Variants in COX4I1 observed in about 807,000 individuals in gnomAD.
COX4I1 encodes cytochrome c oxidase subunit 4 isoform 1, mitochondrial.
Under a neutral mutation model 21.7 loss-of-function variants are expected in COX4I1, and 18 were observed. The ratio of observed to expected loss-of-function variants is 0.83; its 90% CI spans 0.57 to 1.23. The LOEUF is 1.23. Among genes scored for constraint, COX4I1 ranks in the 50% most tolerant of loss-of-function variants. The probability of loss-of-function intolerance (pLI) is 0.00; values close to 1 mark genes in which losing one functional copy is unlikely to be tolerated. For missense variants in COX4I1, 238 were observed against 220.7 expected (o/e 1.08, Z -0.50); for synonymous variants, 100 against 81.5 (o/e 1.23, Z -1.23).
At chr16:85,805,562 G>T in intron 3 of COX4I1, 171 bp from the exon 4 acceptor site, 2 of 889,064 alleles carry the variant, frequency 2.2e-6, no homozygotes, top group South Asian at 1.8e-5. Context: ...TGCCTGCGTG[G>T]GCACGTGTGT....
chr16:85,801,111 CAAAA>C, intron 1 of COX4I1, 90 bp from the exon 2 acceptor site: 2 of 1,056,794 alleles, frequency 1.9e-6, no homozygotes, highest in Non-Finnish European at 2.9e-6. Flanking sequence ...GAGAAGCAAA[CAAAA>C]AAATTCCAAA....
At chr16:85,806,038 G>A in intron 4 of COX4I1, 174 bp downstream of exon 4, 3 of 874,496 alleles carry the variant, frequency 3.4e-6, no homozygotes, top group Admixed American at 5.4e-5. Flanking sequence ...TGAAGTCGTG[G>A]GAGGTTAGTT....
intron 3 of COX4I1, chr16:85,805,525 AT>A: frequency 1.5e-6 from 1 of 662,574 alleles, no homozygotes; most frequent in Non-Finnish European, 2.5e-6. Context: ...AACTGTATGC[AT>A]TTTCTTCTTT....
In COX4I1 at chr16:85,804,987, C is replaced by T. The variant is rs772561167; in HGVS notation, c.124C>T (p.Arg42Cys). 22 of 1,614,116 alleles carry T rather than the reference C, an allele frequency of 1.4e-5. No homozygotes were observed. The highest frequency in any genetic ancestry group is 6.6e-5 in the South Asian group (6 of 91,070). ...DFSLPAYMDR[R>C]DHPLPEVAHV... is the part of the protein sequence containing the mutation. Reference sequence around the variant, plus strand: ...TTCGCTCCCAGCTTATATGGATCGGCGTGACCACCCCTTGCCGGAGGTGGC... The same window carrying T: ...TTCGCTCCCAGCTTATATGGATCGGTGTGACCACCCCTTGCCGGAGGTGGC... Residue 42 changes from arginine to cysteine, a missense_variant, in exon 3 of 5, where the codon CGT becomes TGT. Arg to Cys is a radical substitution (Grantham distance 180). Transcript: ENST00000253452.
chr16:85,806,019 C>A, intron 4 of COX4I1, 155 bp downstream of exon 4: 1 of 1,057,716 alleles, frequency 9.5e-7, no homozygotes, highest in Non-Finnish European at 1.4e-6. Context: ...CCTTGGTGAC[C>A]TGGAGAACTG....
chr16:85,802,649 A>G (rs901370883), intron 2 of COX4I1, among the ~76,000 whole-genome samples: 2 of 152,252 alleles, frequency 1.3e-5, no homozygotes, highest in Non-Finnish European at 2.9e-5. Flanking sequence ...GTGCCCAGAT[A>G]TACCAGATCT....
At chr16:85,800,368 G>T (rs893767392) in intron 1 of COX4I1, among the ~76,000 whole-genome samples, 2 of 152,232 alleles carry the variant, frequency 1.3e-5, no homozygotes, top group African/African-American at 2.4e-5. Flanking sequence ...GTGAGGGGGG[G>T]TCTCATAGGT....
Position 85,804,997 on chromosome 16 carries a change from C to A in COX4I1, c.134C>A (p.Pro45His). 1 of 1,614,140 alleles carries A rather than the reference C, an allele frequency of 6.2e-7. No homozygotes were observed. Among genetic ancestry groups the A allele is most frequent in the Non-Finnish European group, 8.5e-7 (1 of 1,179,976 alleles). Residue 45 changes from proline to histidine, a missense_variant, in exon 3 of 5, where the codon CCC becomes CAC. Coordinates refer to ENST00000253452, the MANE Select transcript of COX4I1 (RefSeq NM_001861.6). Reference protein sequence around the residue: ...LPAYMDRRDHPLPEVAHVKHL... With the variant: ...LPAYMDRRDHHLPEVAHVKHL... ...GCTTATATGGATCGGCGTGACCACC[C>A]CTTGCCGGAGGTGGCCCATGTCAAG...
chr16:85,805,525 A>G (rs1270401485), intron 3 of COX4I1: 10 of 662,458 alleles, frequency 1.5e-5, no homozygotes, highest in Non-Finnish European at 2.3e-5. Flanking sequence ...AACTGTATGC[A>G]TTTTCTTCTT....
chr16:85,803,958 T>C (rs1292108939), intron 2 of COX4I1: 1 of 152,236 alleles, frequency 6.6e-6, no homozygotes, highest in Admixed American at 6.5e-5. Flanking sequence ...ATTTGCACAT[T>C]TGTTATGTTT....
At position 85,804,892 on chromosome 16, in the gene COX4I1, T is replaced by C. The variant is rs1401269706; in HGVS notation, c.74-45T>C. 5 of 1,558,040 alleles carry C rather than the reference T, an allele frequency of 3.2e-6. No individual in the cohort carries two copies. In the Admixed American group the frequency reaches 9.0e-5, roughly 28 times the overall value. On this transcript the variant is annotated intron_variant, in intron 2 of 4. Coordinates refer to ENST00000253452, the MANE Select transcript of COX4I1 (RefSeq NM_001861.6). The stretch of plus-strand genomic sequence containing the variant: ...CAGAAGTATCACCTTGGGGTGACTC[T>C]CAACTTACATGGATTTTCAAAGATT...
chr16:85,805,800 T>G lies in COX4I1; in HGVS notation c.309T>G (p.Val103=). The change falls in exon 4 of 5, where the codon GTT becomes GTG. Residue 103 remains valine (V), a synonymous_variant. Coordinates refer to ENST00000253452, the MANE Select transcript of COX4I1 (RefSeq NM_001861.6). ...GGGGCTCGAACGAGTGGAAGACGGT[T>G]GTGGGCGGTGCCATGTTCTTCATCG... ...MNRGSNEWKT[V]VGGAMFFIGF... The G allele has an allele frequency of 3.1e-6, 5 of 1,614,248 alleles. No individual in the cohort carries two copies. Among genetic ancestry groups the G allele is most frequent in the Non-Finnish European group, 4.2e-6 (5 of 1,180,038 alleles).
rs1201927006 is a variant in COX4I1 at position 85,806,020 on chromosome 16, T to A, written c.373+156T>A. 5 of 1,058,216 alleles carry A rather than the reference T, an allele frequency of 4.7e-6. No individual in the cohort carries two copies. The African/African-American group carries it at 8.0e-5, about 17-fold the overall frequency. The allele number at this position is 1,058,216 out of a possible 1,614,324, so 65.6% of individuals were successfully genotyped here. On this transcript the variant is annotated intron_variant, in intron 4 of 4. Transcript: ENST00000253452. ...GGATTGTTTCCAGGCCTTGGTGACCTGGAGAACTGAAGTCGTGGGAGGTTA... is the reference window on the plus strand; with the variant it reads ...GGATTGTTTCCAGGCCTTGGTGACCAGGAGAACTGAAGTCGTGGGAGGTTA...
rs780164636 is a variant in COX4I1, at chr16:85,801,248, A to G, written c.43A>G (p.Ile15Val). 19 of 1,610,650 alleles carry G rather than the reference A, an allele frequency of 1.2e-5. No homozygotes were observed. Among genetic ancestry groups the G allele is most frequent in the African/African-American group, 6.7e-5 (5 of 74,912 alleles). ...ATTTAGCCTAGTTGGCAAGCGAGCAATTTCCACCTCTGTGTGTGTACGAGC... is the reference window on the plus strand; with the variant it reads ...ATTTAGCCTAGTTGGCAAGCGAGCAGTTTCCACCTCTGTGTGTGTACGAGC... ...RVFSLVGKRA[I>V]STSVCVRAHE... Residue 15 changes from isoleucine (I) to valine (V), a missense_variant, in exon 2 of 5, where the codon ATT becomes GTT. Transcript: ENST00000253452.
At chr16:85,804,732 T>G in intron 2 of COX4I1, 1 of 476,050 alleles carries the variant, frequency 2.1e-6, no homozygotes, top group Non-Finnish European at 3.7e-6. Flanking sequence ...TTGCCCCTGG[T>G]GGGTTTTTGT....
chr16:85,806,607 C>T (rs940574882), intron 4 of COX4I1, 131 bp from the exon 5 acceptor site: 21 of 1,282,154 alleles, frequency 1.6e-5, no homozygotes, highest in East Asian at 1.2e-4. Flanking sequence ...TGTGTTTGAG[C>T]GGGTGTTGAG....
chr16:85,804,976 A>G lies in COX4I1; in HGVS notation c.113A>G (p.Tyr38Cys). 1 of 1,613,796 alleles carries G rather than the reference A, an allele frequency of 6.2e-7. No individual in the cohort carries two copies. Among genetic ancestry groups the G allele is most frequent in the Non-Finnish European group, 8.5e-7 (1 of 1,179,940 alleles). The change falls in exon 3 of 5, where the codon TAT (tyrosine) becomes TGT (cysteine). Residue 38 changes from tyrosine (Y) to cysteine (C), a missense_variant. By Grantham distance (194) the Tyr-to-Cys change is radical (BLOSUM62 -2). Coordinates refer to ENST00000253452, the MANE Select transcript of COX4I1 (RefSeq NM_001861.6). ...AGCGAAGACTTTTCGCTCCCAGCTT[A>G]TATGGATCGGCGTGACCACCCCTTG... ...VKSEDFSLPA[Y>C]MDRRDHPLPE...
chr16:85,802,129 C>T (rs1905812729), intron 2 of COX4I1, among the ~76,000 whole-genome samples: 1 of 152,182 alleles, frequency 6.6e-6, no homozygotes. Flanking sequence ...CAAAAACTAC[C>T]ATCAGAACCA....
chr16:85,802,541 A>G (rs1905849022), intron 2 of COX4I1, among the ~76,000 whole-genome samples: 1 of 8,578 alleles, frequency 1.2e-4, no homozygotes, highest in South Asian at 0.033. Context: ...TAATACATGA[A>G]TGTGTTCTCA....
Sources: allele counts gnomAD v4.1 joint callset (sites outside exome capture counted in the v4.1 genomes callset), GRCh38; gene constraint gnomAD v4.1.1; transcripts MANE v1.5; gene names NCBI Gene and HGNC (gene_info 2026-07-23, HGNC 2026-07-21).